Variants in CNTN6 observed in about 807,000 individuals in gnomAD.
The protein encoded by CNTN6 is contactin-6.
In CNTN6, 137 loss-of-function variants were observed where a neutral mutation model predicts 122.8. The ratio of observed to expected loss-of-function variants is 1.12; its 90% confidence interval spans 0.97 to 1.29. The LOEUF (loss-of-function observed/expected upper bound fraction) is 1.29. Among genes scored for constraint, CNTN6 ranks in the 50% most tolerant of loss-of-function variants. The probability of loss-of-function intolerance (pLI) is 0.00; values close to 1 mark genes in which losing one functional copy is unlikely to be tolerated. For missense variants in CNTN6, 1,634 were observed against 1,223.4 expected, an observed-to-expected ratio of 1.34 and a Z score of -5.01; for synonymous variants, 570 against 426.0, an observed-to-expected ratio of 1.34 and a Z score of -4.16.
rs1695806033 is a variant in CNTN6, at chr3:1,402,218, T to G, written c.2818-100T>G. ...TATTTCCATCTGAGGAGTACAACAT[T>G]TATGATGATGTATCTTATGTCTTAC... On this transcript the variant is annotated intron_variant, in intron 21 of 22. Coordinates refer to ENST00000446702, the MANE Select transcript of CNTN6 (RefSeq NM_001289080.2). 4.8e-6 allele frequency: 4 copies of G among 825,148 alleles called. No homozygotes were observed. In the Admixed American group the frequency reaches 7.9e-5, roughly 16 times the overall value. 51.1% of individuals were successfully genotyped at this position (825,148 alleles called of 1,614,324 possible).
intron 2 of CNTN6, among the ~76,000 whole-genome samples, chr3:1,218,093 G>T (rs1044852910): frequency 6.6e-6 from 1 of 152,130 alleles, no homozygotes; most frequent in African/African-American, 2.4e-5. Context: ...CCTGAGAGAG[G>T]CGAGAGAGGC....
chr3:1,348,815 G>T (rs941064440), intron 11 of CNTN6, among the ~76,000 whole-genome samples: 4 of 151,832 alleles, frequency 2.6e-5, no homozygotes, highest in East Asian at 1.9e-4. Flanking sequence ...TATAAAATAG[G>T]GGTGCAAACA....
chr3:1,282,248 G>C (rs766846998), intron 5 of CNTN6, among the ~76,000 whole-genome samples: 1 of 146,788 alleles, frequency 6.8e-6, no homozygotes, highest in Non-Finnish European at 1.5e-5. Context: ...CTCCAGCATA[G>C]GCCTTCTGTG....
At chr3:1,391,774 G>A (rs773763363) in intron 20 of CNTN6, among the ~76,000 whole-genome samples, 6 of 149,426 alleles carry the variant, frequency 4.0e-5, no homozygotes, top group Non-Finnish European at 8.9e-5. Flanking sequence ...GACAAACAGA[G>A]AGCCAAATCA....
intron 20 of CNTN6, among the ~76,000 whole-genome samples, chr3:1,393,784 A>G (rs1201734609): frequency 1.3e-5 from 2 of 152,146 alleles, no homozygotes; most frequent in African/African-American, 2.4e-5. Context: ...TGAACACTGA[A>G]CTAATCATTT....
chr3:1,178,534 T>G (rs1335915701), intron 2 of CNTN6, among the ~76,000 whole-genome samples: 2 of 152,206 alleles, frequency 1.3e-5, no homozygotes, highest in Admixed American at 6.5e-5. Flanking sequence ...ATTCTCTATG[T>G]GATAGTTCCA....
intron 19 of CNTN6, among the ~76,000 whole-genome samples, chr3:1,384,045 T>C (rs1178126463): frequency 1.3e-5 from 2 of 152,150 alleles, no homozygotes; most frequent in Non-Finnish European, 2.9e-5. Context: ...GGGAAATCTT[T>C]CTAGGTAATT....
At chr3:1,296,776 C>T (rs1343379129) in intron 6 of CNTN6, among the ~76,000 whole-genome samples, 2 of 152,108 alleles carry the variant, frequency 1.3e-5, no homozygotes. Flanking sequence ...AATTTATCTC[C>T]TTCAATGAAT....
chr3:1,369,664 T>A (rs1708718356), intron 12 of CNTN6, among the ~76,000 whole-genome samples: 1 of 152,130 alleles, frequency 6.6e-6, no homozygotes, highest in African/African-American at 2.4e-5. Flanking sequence ...TGTCTGAAAA[T>A]TACTTTAATT....
At chr3:1,349,397 G>C (rs565381651) in intron 11 of CNTN6, among the ~76,000 whole-genome samples, 5 of 149,320 alleles carry the variant, frequency 3.3e-5, no homozygotes, top group Admixed American at 3.3e-4. Flanking sequence ...GGCTGTGTGT[G>C]TTTTTTTTTA....
intron 1 of CNTN6, among the ~76,000 whole-genome samples, chr3:1,109,648 A>T (rs1268990177): frequency 6.6e-6 from 1 of 151,982 alleles, no homozygotes; most frequent in African/African-American, 2.4e-5. Flanking sequence ...TTTTCTCTTA[A>T]CATATTTGCA....
At chr3:1,295,519 A>G (rs565499) in intron 5 of CNTN6, 82 bp from the exon 6 acceptor site, 1,014,585 of 1,228,840 alleles carry the variant, frequency 0.83, 420,447 homozygotes, top group East Asian at 1. Flanking sequence ...TGGGGAAGTA[A>G]GACAAAGAAT....
chr3:1,194,077 A>G (rs187246430), intron 2 of CNTN6, among the ~76,000 whole-genome samples: 9 of 152,184 alleles, frequency 5.9e-5, no homozygotes, highest in African/African-American at 1.7e-4. Context: ...ACACATTGCA[A>G]TTCTGATCAC....
chr3:1,370,673 ACT>A (rs968660317), intron 12 of CNTN6, among the ~76,000 whole-genome samples: 6 of 152,020 alleles, frequency 3.9e-5, no homozygotes, highest in African/African-American at 1.4e-4. Context: ...ACATGGTGAA[ACT>A]CTGTCTCTGC....
chr3:1,227,695 T>C (rs866201904), intron 3 of CNTN6, 123 bp from the exon 4 acceptor site: 9 of 1,037,050 alleles, frequency 8.7e-6, no homozygotes, highest in Middle Eastern at 2.4e-4. Context: ...TAGGATTACC[T>C]CCACATGTAA....
chr3:1,156,887 T>A (rs1395243836), intron 2 of CNTN6, among the ~76,000 whole-genome samples: 1 of 152,072 alleles, frequency 6.6e-6, no homozygotes, highest in Non-Finnish European at 1.5e-5. Flanking sequence ...CTGGCTAATT[T>A]TTTATTTTTT....
chr3:1,098,094 C>CG (rs36051719), intron 1 of CNTN6, among the ~76,000 whole-genome samples: 3,594 of 122,222 alleles, frequency 0.029, 47 homozygotes, highest in Non-Finnish European at 0.037. Context: ...GGTATATTTG[C>CG]GGGGGGGGGA....
At chr3:1,223,228 C>T (rs1324871087) in intron 3 of CNTN6, among the ~76,000 whole-genome samples, 2 of 152,148 alleles carry the variant, frequency 1.3e-5, no homozygotes, top group Non-Finnish European at 2.9e-5. Flanking sequence ...GAATCCTTGA[C>T]TTAAAGTTAT....
In CNTN6 at chr3:1,402,397, T is replaced by C; in HGVS notation, c.2897T>C (p.Phe966Ser). 1.2e-6 allele frequency: 2 copies of C among 1,612,574 alleles called. No homozygotes were observed. The highest frequency in any genetic ancestry group is 2.2e-5 in the South Asian group (2 of 90,978). The change falls in exon 22 of 23, where the codon TTT becomes TCT. Residue 966 changes from phenylalanine to serine, a missense_variant. Transcript: ENST00000446702. ...ACATCAGCTGAGCTTCTGGTTCCAT[T>C]TGAAGAAGACTACTTAATTGAAATA... ...NNTSAELLVP[F>S]EEDYLIEIRT...
Sources: allele counts gnomAD v4.1 joint callset (sites outside exome capture counted in the v4.1 genomes callset), GRCh38; gene constraint gnomAD v4.1.1; transcripts MANE v1.5; gene names NCBI Gene and HGNC (gene_info 2026-07-23, HGNC 2026-07-21).